Variants in TXNDC15 observed in about 807,000 individuals in gnomAD.
The protein encoded by TXNDC15 is thioredoxin domain containing 15.
In TXNDC15, 24 loss-of-function variants were observed where a neutral mutation model predicts 35.0. The observed-to-expected ratio is 0.68, with a 90% CI of 0.50 to 0.96. The LOEUF (loss-of-function observed/expected upper bound fraction) is 0.96. Ranked by LOEUF, TXNDC15 falls within the 40% of genes least tolerant of loss-of-function variation. The probability of loss-of-function intolerance (pLI) is 0.00; values close to 1 mark genes in which losing one functional copy is unlikely to be tolerated. For synonymous variants in TXNDC15, 169 were observed against 174.0 expected (o/e 0.97, Z 0.23); for missense variants, 385 against 453.3 (o/e 0.85, Z 1.37).
chr5:134,896,528 CTGACTT>C, intron 4 of TXNDC15, 104 bp downstream of exon 4: 2 of 1,439,342 alleles, frequency 1.4e-6, no homozygotes, highest in Non-Finnish European at 1.9e-6. Context: ...GGATTCAAGA[CTGACTT>C]TGAGTTGTAA....
intron 3 of TXNDC15, 108 bp from the exon 4 acceptor site, chr5:134,896,186 G>T: frequency 1.5e-6 from 2 of 1,340,738 alleles, no homozygotes; most frequent in Non-Finnish European, 2.0e-6. Context: ...ATCTCCGTAG[G>T]TCACACGCAA....
chr5:134,888,777 C>T (rs541377875), intron 2 of TXNDC15, among the ~76,000 whole-genome samples: 5 of 152,072 alleles, frequency 3.3e-5, no homozygotes, highest in African/African-American at 4.8e-5. Context: ...CCACCGTGCC[C>T]GGCCATTTTT....
At chr5:134,892,689 A>G (rs944764867) in intron 2 of TXNDC15, 4 of 152,176 alleles carry the variant, frequency 2.6e-5, no homozygotes, top group African/African-American at 9.7e-5. Flanking sequence ...GCTTTGATTT[A>G]AAATGAGAGA....
chr5:134,899,768 G>A lies in TXNDC15; in HGVS notation c.*83G>A. On this transcript the variant is annotated 3_prime_UTR_variant, in exon 5 of 5. Transcript: ENST00000358387. ...GCTACAGTTTCATACATTTTCTCCAGTGACGTGTTGACTTGAAACTTCAGG... is the reference window on the plus strand; with the variant it reads ...GCTACAGTTTCATACATTTTCTCCAATGACGTGTTGACTTGAAACTTCAGG... The A allele has an allele frequency of 8.6e-7, 1 of 1,169,140 alleles. No individual in the cohort carries two copies. Among genetic ancestry groups the A allele is most frequent in the Non-Finnish European group, 1.2e-6 (1 of 841,756 alleles). The allele number at this position is 1,169,140 out of a possible 1,614,324, so 72.4% of individuals were successfully genotyped here.
intron 2 of TXNDC15, among the ~76,000 whole-genome samples, chr5:134,891,878 G>C (rs1750395192): frequency 6.6e-6 from 1 of 152,074 alleles, no homozygotes; most frequent in South Asian, 2.1e-4. Context: ...TTGCGCCACT[G>C]TACTCCAGCC....
intron 1 of TXNDC15, among the ~76,000 whole-genome samples, chr5:134,881,560 A>C (rs1387870101): frequency 8.7e-6 from 1 of 114,758 alleles, no homozygotes; most frequent in East Asian, 2.4e-4. Context: ...AGTACAGAAC[A>C]AAATGAAAAG....
At chr5:134,897,305 T>C (rs1244230917) in intron 4 of TXNDC15, among the ~76,000 whole-genome samples, 1 of 152,166 alleles carries the variant, frequency 6.6e-6, no homozygotes, top group Non-Finnish European at 1.5e-5. Context: ...TGGAGTGCAA[T>C]GGCATAATCT....
chr5:134,874,893 A>G (rs1750001572), intron 1 of TXNDC15, among the ~76,000 whole-genome samples: 1 of 152,266 alleles, frequency 6.6e-6, no homozygotes, highest in South Asian at 2.1e-4. Flanking sequence ...TTGTGGCCGT[A>G]TTAGGAGCCA....
At chr5:134,893,435 C>G in intron 2 of TXNDC15, 57 bp from the exon 3 acceptor site, 1 of 1,603,326 alleles carries the variant, frequency 6.2e-7, no homozygotes, top group Non-Finnish European at 8.5e-7. Flanking sequence ...TCTTGGGTAT[C>G]CTTTCAGAAA....
chr5:134,899,715 AC>A lies in TXNDC15; in HGVS notation c.*31del. 6.6e-7 allele frequency: 1 copy of A among 1,516,418 alleles called. No homozygotes were observed. The highest frequency in any genetic ancestry group is 1.3e-5 in the South Asian group (1 of 76,798). 93.9% of individuals were successfully genotyped at this position (1,516,418 alleles called of 1,614,324 possible). ...GGTCTGAAAGAAGTTGGAAAGAGGA[AC>A]TTCAATCCTTCGTTTCAGAAATTAG... On this transcript the variant is annotated 3_prime_UTR_variant, in exon 5 of 5. Coordinates refer to ENST00000358387, the MANE Select transcript of TXNDC15 (RefSeq NM_024715.4).
At chr5:134,882,405 G>A (rs1469484325) in intron 1 of TXNDC15, among the ~76,000 whole-genome samples, 1 of 152,158 alleles carries the variant, frequency 6.6e-6, no homozygotes, top group Non-Finnish European at 1.5e-5. Context: ...ACAATGGGCG[G>A]CCAGGCAGAG....
intron 1 of TXNDC15, among the ~76,000 whole-genome samples, chr5:134,879,349 G>A (rs1750096950): frequency 6.6e-6 from 1 of 152,048 alleles, no homozygotes; most frequent in African/African-American, 2.4e-5. Context: ...GAGGTTCTTC[G>A]TTTTGGCATT....
At chr5:134,890,415 CT>C (rs1049953762) in intron 2 of TXNDC15, among the ~76,000 whole-genome samples, 10 of 139,406 alleles carry the variant, frequency 7.2e-5, no homozygotes, top group Non-Finnish European at 6.3e-5. Flanking sequence ...TCTTTTCTTT[CT>C]TTTTTTTTTG....
At chr5:134,884,084 G>A (rs1267667646) in intron 1 of TXNDC15, among the ~76,000 whole-genome samples, 1 of 150,868 alleles carries the variant, frequency 6.6e-6, no homozygotes, top group East Asian at 2.0e-4. Flanking sequence ...GTCAGGTGTG[G>A]TGGCAGGCAC....
chr5:134,879,953 A>G (rs1263553175), intron 1 of TXNDC15, among the ~76,000 whole-genome samples: 1 of 151,924 alleles, frequency 6.6e-6, no homozygotes, highest in Non-Finnish European at 1.5e-5. Flanking sequence ...ATGCCGCCAC[A>G]TCTGGCTAAT....
intron 3 of TXNDC15, among the ~76,000 whole-genome samples, chr5:134,895,455 A>G (rs1378839168): frequency 6.6e-6 from 1 of 151,308 alleles, no homozygotes; most frequent in Non-Finnish European, 1.5e-5. Flanking sequence ...CTCTCCCGCA[A>G]CTCCCTCCCT....
intron 1 of TXNDC15, chr5:134,875,137 A>G (rs758033703): frequency 2.4e-5 from 11 of 456,168 alleles, no homozygotes; most frequent in Non-Finnish European, 4.4e-5. Context: ...AGCTCCCTGC[A>G]TGAAAAACAG....
intron 4 of TXNDC15, among the ~76,000 whole-genome samples, chr5:134,898,894 G>C (rs1750546155): frequency 6.6e-6 from 1 of 152,150 alleles, no homozygotes; most frequent in Admixed American, 6.5e-5. Flanking sequence ...GGCCAACATG[G>C]TGAAACCTCG....
At chr5:134,894,789 A>G (rs1328911745) in intron 3 of TXNDC15, among the ~76,000 whole-genome samples, 1 of 152,162 alleles carries the variant, frequency 6.6e-6, no homozygotes, top group Non-Finnish European at 1.5e-5. Context: ...TTAGTAGGTC[A>G]GCCTCAACAA....
Sources: gnomAD v4.1 joint callset for allele counts (sites outside exome capture counted in the v4.1 genomes callset) on GRCh38, gnomAD v4.1.1 for gene constraint, MANE v1.5 for transcripts, NCBI Gene and HGNC (gene_info 2026-07-23, HGNC 2026-07-21) for gene names.